Variants in MTMR7 observed in about 807,000 individuals in gnomAD.
MTMR7 encodes the protein phosphatidylinositol-3-phosphate phosphatase MTMR7.
A neutral mutation model predicts 81.2 loss-of-function variants in MTMR7; 76 were observed. The ratio of observed to expected loss-of-function variants is 0.94; its 90% CI spans 0.78 to 1.13. The LOEUF (loss-of-function observed/expected upper bound fraction) is 1.13, where lower values mean the gene tolerates loss of function less well. Among genes scored for constraint, MTMR7 ranks in the 50% most tolerant of loss-of-function variants. The pLI, the probability that MTMR7 is intolerant of heterozygous loss-of-function variation, is 0.00. For missense variants in MTMR7, 1,044 were observed against 820.0 expected (o/e 1.27, Z -3.34); for synonymous variants, 372 against 289.8 (o/e 1.28, Z -2.88).
chr8:17,407,452 T>C (rs1359647111), intron 1 of MTMR7, among the ~76,000 whole-genome samples: 1 of 152,182 alleles, frequency 6.6e-6, no homozygotes, highest in Non-Finnish European at 1.5e-5. Context: ...TATAAAACTA[T>C]TCATCTTCTT....
chr8:17,388,576 A>G (rs906648581), intron 1 of MTMR7, among the ~76,000 whole-genome samples: 2 of 152,250 alleles, frequency 1.3e-5, no homozygotes, highest in Non-Finnish European at 2.9e-5. Context: ...AAAATTCTAA[A>G]ATGATTCTGA....
chr8:17,389,387 A>G (rs780199045), intron 1 of MTMR7, among the ~76,000 whole-genome samples: 2 of 152,214 alleles, frequency 1.3e-5, no homozygotes, highest in South Asian at 2.1e-4. Context: ...AATGCTAGGC[A>G]AACACTCACA....
At chr8:17,381,446 T>G (rs1820758767) in intron 1 of MTMR7, among the ~76,000 whole-genome samples, 1 of 152,066 alleles carries the variant, frequency 6.6e-6, no homozygotes, top group Non-Finnish European at 1.5e-5. Context: ...CTTAGTAGAA[T>G]GTGGGTCTTT....
chr8:17,407,839 G>C (rs1378815436), intron 1 of MTMR7, among the ~76,000 whole-genome samples: 4 of 152,166 alleles, frequency 2.6e-5, no homozygotes, highest in Non-Finnish European at 5.9e-5. Context: ...GCTAAAGGAA[G>C]ATAAAAGAAG....
At chr8:17,347,814 G>A (rs1586228532) in intron 5 of MTMR7, among the ~76,000 whole-genome samples, 1 of 149,806 alleles carries the variant, frequency 6.7e-6, no homozygotes, top group South Asian at 2.2e-4. Context: ...CCTGCCCTGT[G>A]CAATTCTGAT....
At chr8:17,342,343 T>G (rs140307698) in intron 5 of MTMR7, among the ~76,000 whole-genome samples, 3 of 152,164 alleles carry the variant, frequency 2.0e-5, no homozygotes, top group African/African-American at 7.2e-5. Context: ...AGCATCTACA[T>G]TGAGACTGTA....
Position 17,388,381 on chromosome 8 carries a change from G to A in MTMR7, c.25-15141C>T, listed in dbSNP as rs560104465. Among the ~76,000 whole-genome samples the A allele has an allele frequency of 3.0e-4, 45 of 152,282 alleles. 1 individual carries two copies. In the South Asian group the frequency reaches 7.5e-3, roughly 25 times the overall value. On this transcript the variant is annotated intron_variant, in intron 1 of 13. Coordinates refer to ENST00000180173, the MANE Select transcript of MTMR7 (RefSeq NM_004686.5). ...AGATGCTGGTTCTTTGTAACTCAGT[G>A]AATACATGATGCTTTGTATCCCAAA...
chr8:17,319,726 A>G (rs962005793), intron 7 of MTMR7, among the ~76,000 whole-genome samples: 2 of 152,186 alleles, frequency 1.3e-5, no homozygotes, highest in Non-Finnish European at 2.9e-5. Flanking sequence ...CTTGTCCAGC[A>G]TCTCCCAGCT....
At chr8:17,400,031 T>C (rs1362050747) in intron 1 of MTMR7, among the ~76,000 whole-genome samples, 3 of 152,316 alleles carry the variant, frequency 2.0e-5, no homozygotes, top group East Asian at 1.9e-4. Context: ...TTCTCTAGGA[T>C]TGTATCTGCT....
At chr8:17,329,134 G>A (rs376467939) in intron 7 of MTMR7, among the ~76,000 whole-genome samples, 15 of 152,256 alleles carry the variant, frequency 9.9e-5, no homozygotes, top group African/African-American at 2.2e-4. Context: ...TGAATGAAAC[G>A]CATCATTCAT....
intron 1 of MTMR7, among the ~76,000 whole-genome samples, chr8:17,408,414 A>AAAAAAAAAAAAAAAAAAC (rs1821653017): frequency 6.6e-6 from 1 of 151,280 alleles, no homozygotes; most frequent in Non-Finnish European, 1.5e-5. Flanking sequence ...AAAAAAAAAA[A>AAAAAAAAAAAAAAAAAAC]AAAAGAACAT....
chr8:17,331,263 C>T lies in MTMR7; in HGVS notation c.752G>A (p.Arg251His), dbSNP rs376725869. The T allele has an allele frequency of 6.2e-6, 10 of 1,608,014 alleles. No individual in the cohort carries two copies. The highest frequency in any genetic ancestry group is 5.4e-5 in the African/African-American group (4 of 74,620). Residue 251 changes from arginine (R) to histidine (H), a missense_variant, in exon 7 of 14, where the codon CGT becomes CAT. Coordinates refer to ENST00000180173, the MANE Select transcript of MTMR7 (RefSeq NM_004686.5). ...ATTCTCATAGCCTTTCCCTGCAGCA[C>T]GATTTGCCATTGCATTAAGCTGCAG... ...TRPKLNAMAN[R>H]AAGKGYENED...
At position 17,298,972 on chromosome 8, in the gene MTMR7, C is replaced by G. The variant is rs1050669182; in HGVS notation, c.*890G>C. 1 of 152,160 alleles carries G rather than the reference C, an allele frequency of 6.6e-6. No individual in the cohort carries two copies. The highest frequency in any genetic ancestry group is 1.5e-5 in the Non-Finnish European group (1 of 68,000). The allele number at this position is 152,160 out of a possible 1,614,324, so 9.4% of individuals were successfully genotyped here. A position where few individuals can be genotyped will look rare whatever the true frequency, so the allele number is the denominator to read the frequency against. Reference sequence around the variant, plus strand: ...GACATGACAACCCAATTCTCTGGTTCTTGAAACTGGATTTTCACTCACAGA... The same window carrying G: ...GACATGACAACCCAATTCTCTGGTTGTTGAAACTGGATTTTCACTCACAGA... On this transcript the variant is annotated 3_prime_UTR_variant, in exon 14 of 14. Coordinates refer to ENST00000180173, the MANE Select transcript of MTMR7 (RefSeq NM_004686.5).
intron 5 of MTMR7, among the ~76,000 whole-genome samples, chr8:17,344,454 T>C (rs1044426766): frequency 6.6e-6 from 1 of 152,016 alleles, no homozygotes; most frequent in African/African-American, 2.4e-5. Flanking sequence ...CTACCAAAAA[T>C]ACAAAAATTA....
intron 4 of MTMR7, among the ~76,000 whole-genome samples, chr8:17,354,103 A>G (rs1235223290): frequency 6.6e-6 from 1 of 152,222 alleles, no homozygotes; most frequent in Non-Finnish European, 1.5e-5. Context: ...AGGACCAATC[A>G]TTCATCTGAG....
At chr8:17,304,899 A>G (rs929002924) in intron 11 of MTMR7, among the ~76,000 whole-genome samples, 16 of 152,116 alleles carry the variant, frequency 1.1e-4, no homozygotes, top group African/African-American at 3.9e-4. Flanking sequence ...AGCTCTGTCT[A>G]ATTTACAGAT....
intron 4 of MTMR7, among the ~76,000 whole-genome samples, chr8:17,359,665 T>C (rs1820002948): frequency 6.7e-6 from 1 of 148,496 alleles, no homozygotes; most frequent in Non-Finnish European, 1.5e-5. Context: ...CAACTGGAAA[T>C]GGTCATTTAT....
rs374948754 is a variant in MTMR7 at position 17,373,173 on chromosome 8, G to A, written c.92C>T (p.Thr31Met). Residue 31 changes from threonine (T) to methionine (M), a missense_variant, in exon 2 of 14, where the codon ACG becomes ATG. Thr to Met is a moderately conservative substitution (Grantham distance 81). Transcript: ENST00000180173. ...TTCCACGAATATGACATGGGTAGCC[G>A]TCAAATACAAAGTACCTAGAGCTGC... ...KKAALGTLYL[T>M]ATHVIFVENS... The A allele has an allele frequency of 2.7e-5, 44 of 1,613,510 alleles. No individual in the cohort carries two copies. The highest frequency in any genetic ancestry group is 1.6e-4 in the East Asian group (7 of 44,884).
intron 1 of MTMR7, among the ~76,000 whole-genome samples, chr8:17,374,369 TCC>T (rs926705829): frequency 4.6e-5 from 7 of 152,172 alleles, no homozygotes. Context: ...ACGCCTGTAA[TCC>T]CAGCACTTTG....
Sources: gnomAD v4.1 joint callset for allele counts (sites outside exome capture counted in the v4.1 genomes callset) on GRCh38, gnomAD v4.1.1 for gene constraint, MANE v1.5 for transcripts, NCBI Gene and HGNC (gene_info 2026-07-23, HGNC 2026-07-21) for gene names.